Variants in GATA4 observed in about 807,000 individuals in gnomAD.
GATA4 encodes transcription factor GATA-4.
In GATA4, 7 loss-of-function variants were observed where a neutral mutation model predicts 37.9. The ratio of observed to expected loss-of-function variants is 0.18; its 90% confidence interval spans 0.11 to 0.35. The LOEUF is 0.35. Among genes scored for constraint, GATA4 ranks in the 10% least tolerant of loss-of-function variants. GATA4 has a pLI of 1.00. For synonymous variants in GATA4, 372 were observed against 292.6 expected (o/e 1.27, Z -2.77); for missense variants, 647 against 653.0 (o/e 0.99, Z 0.10).
At chr8:11,684,652 G>T (rs1364053342) in intron 1 of GATA4, among the ~76,000 whole-genome samples, 1 of 152,144 alleles carries the variant, frequency 6.6e-6, no homozygotes, top group Non-Finnish European at 1.5e-5. Flanking sequence ...CTGTGTTTCA[G>T]TTTCTTATAT....
chr8:11,722,475 T>A (rs371448380), intron 2 of GATA4, among the ~76,000 whole-genome samples: 15 of 152,266 alleles, frequency 9.9e-5, no homozygotes, highest in African/African-American at 3.1e-4. Context: ...GTTTGTCTAA[T>A]TGTCTTTAAT....
At chr8:11,756,782 C>G (rs1418986379) in intron 5 of GATA4, 153 bp from the exon 6 acceptor site, 1 of 988,122 alleles carries the variant, frequency 1.0e-6, no homozygotes. Flanking sequence ...CCTGTGAGAA[C>G]TGTAGCCCTC....
intron 2 of GATA4, among the ~76,000 whole-genome samples, chr8:11,742,496 C>G (rs571563577): frequency 3.9e-5 from 6 of 152,012 alleles, no homozygotes; most frequent in Non-Finnish European, 8.8e-5. Flanking sequence ...AGCCAGCTGA[C>G]GTCCTGGGTT....
chr8:11,746,721 A>G (rs1380135821), intron 2 of GATA4, among the ~76,000 whole-genome samples: 1 of 151,490 alleles, frequency 6.6e-6, no homozygotes. Flanking sequence ...GTGGTGGTCC[A>G]GCTGGGAGCA....
At chr8:11,745,603 A>G (rs1194752115) in intron 2 of GATA4, among the ~76,000 whole-genome samples, 2 of 151,972 alleles carry the variant, frequency 1.3e-5, no homozygotes, top group Non-Finnish European at 2.9e-5. Context: ...GTTTTTCTTT[A>G]CATCAGTGTA....
At chr8:11,734,495 CT>C (rs759816221) in intron 2 of GATA4, among the ~76,000 whole-genome samples, 2 of 150,422 alleles carry the variant, frequency 1.3e-5, no homozygotes, top group African/African-American at 5.0e-5. Context: ...CTTTTCTTTT[CT>C]TTTTTTTGAG....
chr8:11,726,093 A>G (rs1009379026), intron 2 of GATA4, among the ~76,000 whole-genome samples: 4 of 152,252 alleles, frequency 2.6e-5, no homozygotes, highest in Admixed American at 1.3e-4. Context: ...CACCTGGTAC[A>G]TACAGGACAC....
chr8:11,751,756 C>T (rs1293759975), intron 4 of GATA4, among the ~76,000 whole-genome samples: 1 of 152,156 alleles, frequency 6.6e-6, no homozygotes, highest in African/African-American at 2.4e-5. Flanking sequence ...CTGAAAATGA[C>T]CATGAAAGTC....
intron 1 of GATA4, among the ~76,000 whole-genome samples, chr8:11,685,719 G>A (rs942846190): frequency 6.6e-6 from 1 of 152,224 alleles, no homozygotes; most frequent in African/African-American, 2.4e-5. Flanking sequence ...GCAACCTTGA[G>A]TGTTTCTGAA....
intron 2 of GATA4, among the ~76,000 whole-genome samples, chr8:11,713,016 CTG>C (rs1279360558): frequency 6.6e-5 from 10 of 152,004 alleles, no homozygotes; most frequent in African/African-American, 2.4e-4. Flanking sequence ...AACTCAGAAA[CTG>C]TTTTTAATTT....
chr8:11,729,935 A>G (rs1044712724), intron 2 of GATA4, among the ~76,000 whole-genome samples: 15 of 132,898 alleles, frequency 1.1e-4, no homozygotes, highest in African/African-American at 3.4e-4. Flanking sequence ...CGTTGTTTCT[A>G]TTGTTTTTGA....
At position 11,708,949 on chromosome 8, in the gene GATA4, T is replaced by G; in HGVS notation, c.616+21T>G. 6.6e-7 allele frequency: 1 copy of G among 1,518,334 alleles called. No individual in the cohort carries two copies. Among genetic ancestry groups the G allele is most frequent in the Admixed American group, 2.1e-5 (1 of 48,566 alleles). The allele number at this position is 1,518,334 out of a possible 1,614,324, so 94.1% of individuals were successfully genotyped here. ...TCTCGGTGAGTAGGAGCGCGAGGGC[T>G]GGGGCGCGTGAGGGCCGGGGCAGGG... On this transcript the variant is annotated intron_variant, in intron 2 of 6. Coordinates refer to ENST00000532059, the MANE Select transcript of GATA4 (RefSeq NM_001308093.3). This position sits in a 1 kb window ranked among gnomAD's most constrained non-coding sequence, Gnocchi z 6.7.
chr8:11,682,940 C>G (rs920319029), intron 1 of GATA4: 11 of 412,598 alleles, frequency 2.7e-5, no homozygotes, highest in African/African-American at 2.4e-4. Flanking sequence ...CACCGGGGAC[C>G]TGCTTTGTTA....
chr8:11,757,154 A>C, intron 6 of GATA4, 71 bp downstream of exon 6: 1 of 1,590,582 alleles, frequency 6.3e-7, no homozygotes, highest in Non-Finnish European at 8.6e-7. Context: ...AGGCCAGCCT[A>C]GTACTGGGTG....
At chr8:11,757,831 C>T (rs922921535) in intron 6 of GATA4, among the ~76,000 whole-genome samples, 9 of 152,234 alleles carry the variant, frequency 5.9e-5, no homozygotes, top group Non-Finnish European at 1.2e-4. Flanking sequence ...TTTGACCAGC[C>T]CTGGCTGTTA....
At chr8:11,739,760 C>G (rs568927048) in intron 2 of GATA4, among the ~76,000 whole-genome samples, 4 of 99,730 alleles carry the variant, frequency 4.0e-5, no homozygotes, top group Non-Finnish European at 8.7e-5. Context: ...GAGCTTCTGT[C>G]GTGTGCGGAG....
intron 2 of GATA4, among the ~76,000 whole-genome samples, chr8:11,722,679 A>C (rs1395106456): frequency 6.6e-6 from 1 of 152,200 alleles, no homozygotes; most frequent in Non-Finnish European, 1.5e-5. Context: ...CATGACATTG[A>C]ACATATTCCT....
In GATA4 at chr8:11,708,140, G is replaced by T. The variant is rs886376613; in HGVS notation, c.-173G>T. 5.2e-6 allele frequency: 4 copies of T among 764,358 alleles called. No homozygotes were observed. The highest frequency in any genetic ancestry group is 9.0e-6 in the Non-Finnish European group (4 of 445,518). The allele number at this position is 764,358 out of a possible 1,614,324, so 47.3% of individuals were successfully genotyped here. ...GCCTAGAGCCCTTTGCTCAATGCTG[G>T]ATTTAATACGTATATATTTTTAAGC... On this transcript the variant is annotated 5_prime_UTR_variant, in exon 2 of 7. Coordinates refer to ENST00000532059, the MANE Select transcript of GATA4 (RefSeq NM_001308093.3). The surrounding 1 kb of genome is among the most constrained non-coding windows in gnomAD (Gnocchi z 6.7).
At chr8:11,751,699 A>G (rs1802313666) in intron 4 of GATA4, among the ~76,000 whole-genome samples, 1 of 152,218 alleles carries the variant, frequency 6.6e-6, no homozygotes. Flanking sequence ...ATAGCCATGA[A>G]ACATGTGCAC....
Sources: allele counts gnomAD v4.1 joint callset (sites outside exome capture counted in the v4.1 genomes callset), GRCh38; gene constraint gnomAD v4.1.1; non-coding constraint Gnocchi (gnomAD v3.1); transcripts MANE v1.5; gene names NCBI Gene and HGNC (gene_info 2026-07-23, HGNC 2026-07-21).